Variants in ARMC1 observed in about 807,000 individuals in gnomAD.
ARMC1 encodes armadillo repeat-containing protein 1.
In ARMC1, 16 loss-of-function variants were observed where a neutral mutation model predicts 31.4. The observed-to-expected ratio is 0.51, with a 90% CI of 0.34 to 0.77. The LOEUF is 0.77. ARMC1 is among the 30% of genes least tolerant of loss of function. ARMC1 has a pLI of 0.01. For synonymous variants in ARMC1, 114 were observed against 118.9 expected, an observed-to-expected ratio of 0.96 and a Z score of 0.27; for missense variants, 259 against 347.5, an observed-to-expected ratio of 0.75 and a Z score of 2.02.
chr8:65,627,576 CAGTTTGAGAAA>C (rs35778954), intron 1 of ARMC1, 143 bp from the exon 2 acceptor site: 56,700 of 454,270 alleles, frequency 0.12, 6,788 homozygotes, highest in East Asian at 0.48. Context: ...GGCAACTCTA[CAGTTTGAGAAA>C]AGTAAAATGA....
intron 3 of ARMC1, among the ~76,000 whole-genome samples, chr8:65,621,805 A>G (rs1808399481): frequency 6.6e-6 from 1 of 152,224 alleles, no homozygotes; most frequent in South Asian, 2.1e-4. Flanking sequence ...CACCATGCCC[A>G]GCATGTATGA....
At chr8:65,617,560 A>G (rs1808298513) in intron 3 of ARMC1, among the ~76,000 whole-genome samples, 1 of 151,830 alleles carries the variant, frequency 6.6e-6, no homozygotes. Flanking sequence ...TCCCTCCACT[A>G]TTGTCCTCTG....
Position 65,623,786 on chromosome 8 carries a change from C to CTTTTTTTTTTTTT in ARMC1, c.184-1445_184-1433dup, listed in dbSNP as rs201008780. ...ATGCCAGAAGACAACAAAGTAAAAT[C>CTTTTTTTTTTTTT]TTTTTTTTTTTTTTTTTTTTTTTTT... On this transcript the variant is annotated intron_variant, in intron 2 of 6. Coordinates refer to ENST00000276569, the MANE Select transcript of ARMC1 (RefSeq NM_018120.6). 1.8e-3 allele frequency among the ~76,000 whole-genome samples: 48 copies of CTTTTTTTTTTTTT among 26,070 alleles called. 5 individuals carry two copies. The highest frequency in any genetic ancestry group is 3.7e-3 in the Admixed American group (6 of 1,602). 17.1% of individuals were successfully genotyped at this position (26,070 alleles called of 152,430 possible).
At chr8:65,633,371 A>C (rs1217427117) in intron 1 of ARMC1, among the ~76,000 whole-genome samples, 2 of 152,236 alleles carry the variant, frequency 1.3e-5, no homozygotes, top group Non-Finnish European at 2.9e-5. Context: ...AGCCTCAGTT[A>C]TCTCACATAA....
intron 4 of ARMC1, among the ~76,000 whole-genome samples, chr8:65,609,794 G>T (rs1470269067): frequency 6.8e-6 from 1 of 146,964 alleles, no homozygotes; most frequent in Admixed American, 7.0e-5. Flanking sequence ...GGAGGCAAAG[G>T]TTGCAGTAAG....
chr8:65,616,975 G>A (rs1188369581), intron 3 of ARMC1, among the ~76,000 whole-genome samples: 5 of 151,242 alleles, frequency 3.3e-5, no homozygotes, highest in Non-Finnish European at 7.4e-5. Flanking sequence ...GTCTCCGCCC[G>A]GCAGCCGCCC....
intron 3 of ARMC1, among the ~76,000 whole-genome samples, chr8:65,616,343 C>T (rs1044317354): frequency 9.9e-5 from 15 of 152,224 alleles, no homozygotes; most frequent in African/African-American, 3.1e-4. Context: ...CTGTGTTGGC[C>T]GGGCTGGTCT....
chr8:65,614,311 G>C (rs775559032), intron 3 of ARMC1, among the ~76,000 whole-genome samples: 34 of 152,114 alleles, frequency 2.2e-4, no homozygotes, highest in Non-Finnish European at 3.7e-4. Context: ...TCAACATCTA[G>C]GGGACTGTGC....
At chr8:65,613,992 T>C (rs1003960551) in intron 3 of ARMC1, among the ~76,000 whole-genome samples, 2 of 149,620 alleles carry the variant, frequency 1.3e-5, no homozygotes, top group Non-Finnish European at 3.0e-5. Context: ...TTAATAAAAA[T>C]AATCAAATAC....
rs912247982 is a variant in ARMC1 at position 65,603,092 on chromosome 8, T to G, written c.*1302A>C. The G allele has an allele frequency of 2.6e-5, 4 of 152,200 alleles. No homozygotes were observed. The highest frequency in any genetic ancestry group is 5.9e-5 in the Non-Finnish European group (4 of 68,018). The allele number at this position is 152,200 out of a possible 1,614,324, so 9.4% of individuals were successfully genotyped here. On this transcript the variant is annotated 3_prime_UTR_variant, in exon 7 of 7. Coordinates refer to ENST00000276569, the MANE Select transcript of ARMC1 (RefSeq NM_018120.6). ...AATTTCAATTTCTTCCTATTTGTTT[T>G]TACTCATATCAACATTAATATGTAT...
chr8:65,631,290 C>G (rs139843215), intron 1 of ARMC1, among the ~76,000 whole-genome samples: 1 of 152,074 alleles, frequency 6.6e-6, no homozygotes, highest in Non-Finnish European at 1.5e-5. Flanking sequence ...GCTGGAGTGG[C>G]GTGGTACGAT....
intron 3 of ARMC1, among the ~76,000 whole-genome samples, chr8:65,621,550 C>A (rs749623186): frequency 3.3e-5 from 5 of 152,152 alleles, no homozygotes; most frequent in Non-Finnish European, 4.4e-5. Context: ...GCTCTGTTGC[C>A]CAGGCTAGAG....
At chr8:65,617,921 G>GT (rs1205316663) in intron 3 of ARMC1, among the ~76,000 whole-genome samples, 8 of 74,738 alleles carry the variant, frequency 1.1e-4, no homozygotes, top group Non-Finnish European at 2.1e-4. Context: ...TTTTTCGGCG[G>GT]GGGGGGAGGG....
chr8:65,619,813 G>A (rs1303999014), intron 3 of ARMC1, among the ~76,000 whole-genome samples: 2 of 151,656 alleles, frequency 1.3e-5, no homozygotes, highest in Non-Finnish European at 2.9e-5. Context: ...GTCAAATCCT[G>A]TCTCTACTAA....
chr8:65,605,194 G>C, intron 6 of ARMC1, 69 bp downstream of exon 6: 1 of 1,312,524 alleles, frequency 7.6e-7, no homozygotes. Flanking sequence ...AGAAATACTG[G>C]CAATCTGCTA....
intron 2 of ARMC1, 28 bp downstream of exon 2, chr8:65,627,188 G>A (rs1359065480): frequency 5.9e-6 from 9 of 1,520,752 alleles, no homozygotes; most frequent in Non-Finnish European, 6.2e-6. Flanking sequence ...AAATAGAACA[G>A]AGATTGAAAT....
In ARMC1 at chr8:65,613,387, CAT is replaced by C; in HGVS notation, c.320_321del (p.Tyr107Ter). 1 of 1,607,380 alleles carries C rather than the reference CAT, an allele frequency of 6.2e-7. No individual in the cohort carries two copies. Among genetic ancestry groups the C allele is most frequent in the Non-Finnish European group, 8.5e-7 (1 of 1,177,412 alleles). Reference protein sequence around the residue: ...GETKLLASEIYDILQSSNMAD... With the variant: ...GETKLLASEIXDILQSSNMAD... ...GCCATATTGGAGGACTGAAGAATGT[CAT>C]AGATTTCAGAGGCCAGAAGTTTTGT... On this transcript the variant is annotated frameshift_variant, in exon 4 of 7. Transcript: ENST00000276569. LOFTEE classifies it high-confidence loss of function.
intron 2 of ARMC1, among the ~76,000 whole-genome samples, chr8:65,623,407 G>A (rs528958451): frequency 5.3e-5 from 8 of 150,978 alleles, no homozygotes; most frequent in East Asian, 2.0e-4. Context: ...TCAGGAGTTC[G>A]AGACCAGCCT....
intron 1 of ARMC1, among the ~76,000 whole-genome samples, chr8:65,630,606 G>A (rs1429847628): frequency 6.6e-6 from 1 of 152,202 alleles, no homozygotes; most frequent in Non-Finnish European, 1.5e-5. Context: ...ATCGCCTGAG[G>A]TCAGGAGTTT....
Sources: allele counts gnomAD v4.1 joint callset (sites outside exome capture counted in the v4.1 genomes callset), GRCh38; gene constraint gnomAD v4.1.1; transcripts MANE v1.5; gene names NCBI Gene and HGNC (gene_info 2026-07-23, HGNC 2026-07-21).